Variants in ELAVL2 observed in about 807,000 individuals in gnomAD.
ELAVL2 encodes ELAV-like protein 2.
In ELAVL2, 4 loss-of-function variants were observed where a neutral mutation model predicts 34.6. The ratio of observed to expected loss-of-function variants is 0.12; its 90% CI spans 0.06 to 0.26. The LOEUF (loss-of-function observed/expected upper bound fraction) is 0.26. Ranked by LOEUF, ELAVL2 falls within the 10% of genes least tolerant of loss-of-function variation. The pLI is 1.00. For synonymous variants in ELAVL2, 193 were observed against 154.8 expected, an observed-to-expected ratio of 1.25 and a Z score of -1.83; for missense variants, 432 against 442.8, an observed-to-expected ratio of 0.98 and a Z score of 0.22.
At chr9:23,734,204 G>GA (rs1450967836) in intron 2 of ELAVL2, among the ~76,000 whole-genome samples, 1 of 152,162 alleles carries the variant, frequency 6.6e-6, no homozygotes, top group Non-Finnish European at 1.5e-5. Flanking sequence ...ACTTTACAGT[G>GA]AAAATCTGTA....
At chr9:23,762,316 G>A (rs1248960465) in intron 1 of ELAVL2, 67 bp from the exon 2 acceptor site, 3 of 1,552,196 alleles carry the variant, frequency 1.9e-6, no homozygotes, top group South Asian at 2.5e-5. Context: ...CTCCATCCAA[G>A]AATTTAAACA....
At chr9:23,843,769 C>CT in the ELAVL2 span, among the ~76,000 whole-genome samples, 1 of 151,774 alleles carries the variant, frequency 6.6e-6, no homozygotes, top group Non-Finnish European at 1.5e-5. Context: ...TTACAAGATA[C>CT]TTTTTTTTCT....
intron 2 of ELAVL2, among the ~76,000 whole-genome samples, chr9:23,757,217 C>A (rs1187143196): frequency 6.6e-6 from 1 of 152,090 alleles, no homozygotes; most frequent in East Asian, 1.9e-4. Flanking sequence ...ATTCTCCTTC[C>A]AGAGAAGACA....
intron 1 of ELAVL2, among the ~76,000 whole-genome samples, chr9:23,812,237 T>C (rs1169596266): frequency 2.0e-5 from 3 of 152,114 alleles, no homozygotes; most frequent in Non-Finnish European, 4.4e-5. Context: ...ACTCAGTAAT[T>C]TGTGATGAAA....
chr9:23,793,197 G>A lies in ELAVL2; in HGVS notation c.-15-30948C>T, dbSNP rs146276900. Among the ~76,000 whole-genome samples, 292 of 152,258 alleles carry A rather than the reference G, an allele frequency of 1.9e-3. 3 individuals are homozygous for A. Among genetic ancestry groups the A allele is most frequent in the African/African-American group, 6.6e-3 (276 of 41,542 alleles). ...GAAGAACATTACACAATCACAAGGGGCTTGTTATGGCAAAACCTTCTACCC... is the reference window on the plus strand; with the variant it reads ...GAAGAACATTACACAATCACAAGGGACTTGTTATGGCAAAACCTTCTACCC... On this transcript the variant is annotated intron_variant, in intron 1 of 6. Transcript: ENST00000397312.
At chr9:23,821,851 C>T (rs948834402) in intron 1 of ELAVL2, 6 of 151,412 alleles carry the variant, frequency 4.0e-5, no homozygotes, top group Admixed American at 1.3e-4. Context: ...CCGTTTGTAG[C>T]GGGGCGGGAA....
intron 1 of ELAVL2, chr9:23,821,942 C>T (rs1197919708): frequency 1.3e-5 from 2 of 151,422 alleles, no homozygotes; most frequent in African/African-American, 4.8e-5. Context: ...GGCGCGTGCC[C>T]TGCCCGACCG....
chr9:23,826,278 G>T (rs1405224615), upstream of ELAVL2: 1 of 152,322 alleles, frequency 6.6e-6, no homozygotes, highest in African/African-American at 2.4e-5. Context: ...TTATAGCACC[G>T]TATCACCAAC....
At chr9:23,784,727 G>A (rs1212269928) in intron 1 of ELAVL2, among the ~76,000 whole-genome samples, 1 of 152,176 alleles carries the variant, frequency 6.6e-6, no homozygotes, top group Non-Finnish European at 1.5e-5. Context: ...GAACTAGGTA[G>A]GTGCAGAGGT....
chr9:23,750,019 G>C (rs1317635706), intron 2 of ELAVL2, among the ~76,000 whole-genome samples: 1 of 132,448 alleles, frequency 7.6e-6, no homozygotes, highest in Non-Finnish European at 1.6e-5. Context: ...CAAGGGTACT[G>C]TCTTAAAAAA....
At chr9:23,818,318 G>A (rs373674410) in intron 1 of ELAVL2, among the ~76,000 whole-genome samples, 51 of 152,282 alleles carry the variant, frequency 3.3e-4, no homozygotes, top group African/African-American at 1.2e-3. Context: ...ACCAGGAAAA[G>A]CTACGTAATC....
chr9:23,780,236 G>C (rs2058875358), intron 1 of ELAVL2, among the ~76,000 whole-genome samples: 1 of 151,918 alleles, frequency 6.6e-6, no homozygotes, highest in African/African-American at 2.4e-5. Flanking sequence ...TTTTACACTT[G>C]TTTCCTAATC....
chr9:23,760,725 A>C (rs995986910), intron 2 of ELAVL2, among the ~76,000 whole-genome samples: 1 of 152,070 alleles, frequency 6.6e-6, no homozygotes, highest in Non-Finnish European at 1.5e-5. Flanking sequence ...TAAGCAACAT[A>C]ATTAAAATAT....
chr9:23,774,082 G>GC (rs1026514045), intron 1 of ELAVL2, among the ~76,000 whole-genome samples: 1 of 151,540 alleles, frequency 6.6e-6, no homozygotes, highest in African/African-American at 2.4e-5. Context: ...TTGGTGGCGG[G>GC]CGCCTGTAGT....
chr9:23,701,439 A>G lies in ELAVL2; in HGVS notation c.653T>C (p.Leu218Pro). 3 of 1,614,140 alleles carry G rather than the reference A, an allele frequency of 1.9e-6. No homozygotes were observed. Among genetic ancestry groups the G allele is most frequent in the Non-Finnish European group, 2.5e-6 (3 of 1,180,000 alleles). Residue 218 changes from leucine (L) to proline (P), a missense_variant, in exon 5 of 7, where the codon CTG becomes CCG. Coordinates refer to ENST00000397312, the MANE Select transcript of ELAVL2 (RefSeq NM_004432.5). ...QKTNQAILSQ[L>P]YQSPNRRYPG... is the part of the protein sequence containing the mutation. ...ATACCTTCTGTTTGGAGACTGGTAC[A>G]GCTGGGAAAGGATGGCCTGATTGGT...
At chr9:23,796,476 T>C (rs577925830) in intron 1 of ELAVL2, among the ~76,000 whole-genome samples, 64 of 152,330 alleles carry the variant, frequency 4.2e-4, no homozygotes, top group Middle Eastern at 6.8e-3. Context: ...GCTGAGATCA[T>C]CTCGAGGAAA....
At chr9:23,701,328 A>T (rs376874977) in intron 5 of ELAVL2, 51 bp downstream of exon 5, 1 of 1,585,528 alleles carries the variant, frequency 6.3e-7, no homozygotes, top group African/African-American at 1.3e-5. Flanking sequence ...AGTAAACCTG[A>T]GTATTCTCTT....
rs761154160 is a variant in ELAVL2, at chr9:23,701,514, C to A, written c.578G>T (p.Gly193Val). The change falls in exon 5 of 7, where the codon GGT (glycine) becomes GTT (valine). Residue 193 changes from glycine (G) to valine (V), a missense_variant. Coordinates refer to ENST00000397312, the MANE Select transcript of ELAVL2 (RefSeq NM_004432.5). ...IKGLNGQKPP[G>V]ATEPITVKFA... ...CTTTACAGTGATTGGCTCCGTGGCA[C>A]CGGGAGGTTTCTGGCCATTTAGGCC... 1.2e-6 allele frequency: 2 copies of A among 1,614,060 alleles called. No individual in the cohort carries two copies. Among genetic ancestry groups the A allele is most frequent in the South Asian group, 1.1e-5 (1 of 91,076 alleles).
intron 1 of ELAVL2, among the ~76,000 whole-genome samples, chr9:23,787,584 A>T (rs2059851168): frequency 6.6e-6 from 1 of 151,974 alleles, no homozygotes; most frequent in East Asian, 1.9e-4. Flanking sequence ...AAAAAAAAAG[A>T]TTAACTTTTC....
Sources: allele counts gnomAD v4.1 joint callset (sites outside exome capture counted in the v4.1 genomes callset), GRCh38; gene constraint gnomAD v4.1.1; transcripts MANE v1.5; gene names NCBI Gene and HGNC (gene_info 2026-07-23, HGNC 2026-07-21).